Variants in EXTL3 observed in about 807,000 individuals in gnomAD.
EXTL3 encodes exostosin like glycosyltransferase 3, also known as exostosin-like 3.
EXTL3 carries 27 observed loss-of-function variants against 69.3 expected under a neutral mutation model. The ratio of observed to expected loss-of-function variants is 0.39; its 90% CI spans 0.29 to 0.54. The LOEUF is 0.54. Ranked by LOEUF, EXTL3 falls within the 20% of genes least tolerant of loss-of-function variation. The pLI, the probability that EXTL3 is intolerant of heterozygous loss-of-function variation, is 0.69. For synonymous variants in EXTL3, 511 were observed against 499.4 expected (o/e 1.02, Z -0.31); for missense variants, 1,003 against 1,231.8 (o/e 0.81, Z 2.78).
intron 1 of EXTL3, among the ~76,000 whole-genome samples, chr8:28,654,972 G>A (rs1305357909): frequency 1.3e-5 from 2 of 152,178 alleles, no homozygotes; most frequent in Non-Finnish European, 2.9e-5. Flanking sequence ...TTGTTTGGGA[G>A]GCAAAGCAAG....
rs144765472 is a variant in EXTL3, at chr8:28,736,804, G to T, written c.2277-715G>T. Reference sequence around the variant, plus strand: ...ACAAAGCCTTTCTTAGAAAATGCTTGTTCATTCATTCATTTTTAGAGCCAG... The same window carrying T: ...ACAAAGCCTTTCTTAGAAAATGCTTTTTCATTCATTCATTTTTAGAGCCAG... On this transcript the variant is annotated intron_variant, in intron 4 of 6. Coordinates refer to ENST00000220562, the MANE Select transcript of EXTL3 (RefSeq NM_001440.4). Among the ~76,000 whole-genome samples the T allele has an allele frequency of 2.2e-3, 332 of 152,308 alleles. 1 individual carries two copies. The highest frequency in any genetic ancestry group is 7.7e-3 in the African/African-American group (320 of 41,566).
intron 1 of EXTL3, among the ~76,000 whole-genome samples, chr8:28,670,369 G>A (rs1044574411): frequency 9.2e-5 from 14 of 152,134 alleles, no homozygotes. Flanking sequence ...AGATCCAACA[G>A]AGTATGTGAG....
chr8:28,673,347 A>G (rs1807328821), intron 1 of EXTL3, among the ~76,000 whole-genome samples: 1 of 152,230 alleles, frequency 6.6e-6, no homozygotes, highest in Admixed American at 6.5e-5. Flanking sequence ...TAAGATTGAC[A>G]TTGGATTCTG....
chr8:28,683,226 T>C (rs772165581), intron 1 of EXTL3, among the ~76,000 whole-genome samples: 4 of 152,204 alleles, frequency 2.6e-5, no homozygotes, highest in Admixed American at 6.5e-5. Flanking sequence ...GTTTTGGCTA[T>C]TCAGGGTCTT....
At chr8:28,712,491 A>G (rs1268635154) in intron 1 of EXTL3, among the ~76,000 whole-genome samples, 1 of 152,188 alleles carries the variant, frequency 6.6e-6, no homozygotes, top group Non-Finnish European at 1.5e-5. Context: ...CTGAGAATGA[A>G]TTAGACATGT....
intron 4 of EXTL3, among the ~76,000 whole-genome samples, chr8:28,734,822 A>C (rs1374273116): frequency 6.6e-6 from 1 of 152,244 alleles, no homozygotes; most frequent in Non-Finnish European, 1.5e-5. Context: ...CTGTTCACTG[A>C]AGGCCTAACC....
chr8:28,618,227 G>A (rs1322980404), upstream of EXTL3, among the ~76,000 whole-genome samples: 1 of 152,066 alleles, frequency 6.6e-6, no homozygotes, highest in East Asian at 1.9e-4. Context: ...GGTACTTTGG[G>A]AGGCAGAGGC....
At position 28,664,204 on chromosome 8, in the gene EXTL3, A is replaced by G. The variant is rs1349011588; in HGVS notation, c.-53+41394A>G. On this transcript the variant is annotated intron_variant, in intron 1 of 6. Transcript: ENST00000523149. Reference sequence around the variant, plus strand: ...AGGCTGGGTGGCTTCAACAGCCGGCATTTATTTTCTCACCATTCTGGAGGA... The same window carrying G: ...AGGCTGGGTGGCTTCAACAGCCGGCGTTTATTTTCTCACCATTCTGGAGGA... 2.6e-5 allele frequency among the ~76,000 whole-genome samples: 4 copies of G among 152,282 alleles called. No homozygotes were observed. The East Asian group carries it at 7.7e-4, about 29-fold the overall frequency.
In EXTL3 at chr8:28,679,157, T is replaced by A. The variant is rs553696275; in HGVS notation, c.-52-34300T>A. 4.6e-5 allele frequency among the ~76,000 whole-genome samples: 7 copies of A among 152,290 alleles called. 1 individual carries two copies. Among genetic ancestry groups the A allele is most frequent in the African/African-American group, 1.7e-4 (7 of 41,570 alleles). ...TATTCTTGTTCCCGTTTTAAGAATGTCCAGTCTAGGCCAGGCGTGCCGGTT... is the reference window on the plus strand; with the variant it reads ...TATTCTTGTTCCCGTTTTAAGAATGACCAGTCTAGGCCAGGCGTGCCGGTT... On this transcript the variant is annotated intron_variant, in intron 1 of 6. Coordinates refer to the EXTL3 transcript ENST00000523149.
At chr8:28,739,640 G>A (rs1214867115) in intron 5 of EXTL3, among the ~76,000 whole-genome samples, 2 of 152,148 alleles carry the variant, frequency 1.3e-5, no homozygotes, top group Admixed American at 6.6e-5. Context: ...ATATAGGGAC[G>A]TTTGAACCAG....
At chr8:28,659,549 G>A (rs1211637508) in intron 1 of EXTL3, among the ~76,000 whole-genome samples, 1 of 152,116 alleles carries the variant, frequency 6.6e-6, no homozygotes, top group East Asian at 1.9e-4. Flanking sequence ...CCTGAGAGGA[G>A]AGCCCTTGAC....
chr8:28,651,806 C>T (rs573434282), intron 1 of EXTL3, among the ~76,000 whole-genome samples: 2 of 152,344 alleles, frequency 1.3e-5, no homozygotes, highest in East Asian at 3.9e-4. Flanking sequence ...AAACTCTCTT[C>T]CCATTAACCA....
chr8:28,668,259 C>CA (rs71549685), intron 1 of EXTL3, among the ~76,000 whole-genome samples: 11,358 of 63,824 alleles, frequency 0.18, 793 homozygotes, highest in African/African-American at 0.24. Context: ...GGTCCTGTCT[C>CA]AAAAAAAAAA....
At chr8:28,661,000 G>A (rs1280269041) in intron 1 of EXTL3, among the ~76,000 whole-genome samples, 2 of 148,442 alleles carry the variant, frequency 1.3e-5, no homozygotes, top group African/African-American at 2.5e-5. Flanking sequence ...TGCAAGCTCC[G>A]CCTCCCGGGT....
chr8:28,729,224 G>T (rs561513411), intron 3 of EXTL3, among the ~76,000 whole-genome samples: 1 of 143,936 alleles, frequency 6.9e-6, no homozygotes, highest in African/African-American at 2.6e-5. Context: ...GAGCCTGGCA[G>T]GTGGAAGTTG....
chr8:28,648,457 G>A lies in EXTL3; in HGVS notation c.-53+25647G>A, dbSNP rs1585230585. Among the ~76,000 whole-genome samples, 12 of 152,232 alleles carry A rather than the reference G, an allele frequency of 7.9e-5. 1 individual carries two copies. In the South Asian group the frequency reaches 2.5e-3, roughly 32 times the overall value. ...GCACAAATTTTAAAAATTATCATTT[G>A]GAGATATTTCAAGTATTCAGAAAAG... On this transcript the variant is annotated intron_variant, in intron 1 of 6. Coordinates refer to the EXTL3 transcript ENST00000523149.
chr8:28,650,046 A>G (rs1426713476), intron 1 of EXTL3, among the ~76,000 whole-genome samples: 1 of 151,768 alleles, frequency 6.6e-6, no homozygotes, highest in East Asian at 2.0e-4. Context: ...AAATACAAAA[A>G]TTAGCTGAGT....
At chr8:28,691,904 T>TA (rs915877136) in intron 1 of EXTL3, among the ~76,000 whole-genome samples, 9 of 151,766 alleles carry the variant, frequency 5.9e-5, no homozygotes, top group Non-Finnish European at 1.3e-4. Flanking sequence ...TCTCAAAAAA[T>TA]AAAAAAATTT....
chr8:28,680,168 G>T (rs1305643016), intron 1 of EXTL3, among the ~76,000 whole-genome samples: 1 of 151,932 alleles, frequency 6.6e-6, no homozygotes, highest in African/African-American at 2.4e-5. Context: ...AAGGCGGGCA[G>T]ATCACCTGAG....
Sources: gnomAD v4.1 joint callset for allele counts (sites outside exome capture counted in the v4.1 genomes callset) on GRCh38, gnomAD v4.1.1 for gene constraint, MANE v1.5 for transcripts, NCBI Gene and HGNC (gene_info 2026-07-23, HGNC 2026-07-21) for gene names.